CDH13: variants seen among roughly 807,000 people sequenced by gnomAD.
CDH13 encodes the protein cadherin-13.
In CDH13, 24 loss-of-function variants were observed where a neutral mutation model predicts 63.8. The ratio of observed to expected loss-of-function variants is 0.38; its 90% CI spans 0.27 to 0.53. The LOEUF (loss-of-function observed/expected upper bound fraction) is 0.53. Among genes scored for constraint, CDH13 ranks in the 20% least tolerant of loss-of-function variants. CDH13 has a pLI of 0.85. For missense variants in CDH13, 1,049 were observed against 903.1 expected, an observed-to-expected ratio of 1.16 and a Z score of -2.07; for synonymous variants, 503 against 355.3, an observed-to-expected ratio of 1.42 and a Z score of -4.67.
intron 7 of CDH13, among the ~76,000 whole-genome samples, chr16:83,525,154 A>G (rs971252900): frequency 6.6e-6 from 1 of 152,194 alleles, no homozygotes. Context: ...AGTTGGCTCT[A>G]TCTGTGCCTC....
At chr16:83,546,828 G>T (rs535969209) in intron 7 of CDH13, among the ~76,000 whole-genome samples, 1 of 152,176 alleles carries the variant, frequency 6.6e-6, no homozygotes, top group African/African-American at 2.4e-5. Flanking sequence ...GGGCACTGCA[G>T]CCCCATGGCC....
At chr16:82,956,276 C>T (rs538587052) in intron 2 of CDH13, among the ~76,000 whole-genome samples, 1 of 152,252 alleles carries the variant, frequency 6.6e-6, no homozygotes, top group Non-Finnish European at 1.5e-5. Flanking sequence ...AGATTTGCTT[C>T]TGTCTATCCT....
At chr16:82,950,968 C>A (rs11866755) in intron 2 of CDH13, among the ~76,000 whole-genome samples, 33,670 of 152,050 alleles carry the variant, frequency 0.22, 3,838 homozygotes, top group Admixed American at 0.28. Context: ...TCTCCAACTG[C>A]TATGCTTCAG....
intron 2 of CDH13, among the ~76,000 whole-genome samples, chr16:82,975,604 A>G (rs1331365650): frequency 6.6e-6 from 1 of 152,220 alleles, no homozygotes; most frequent in East Asian, 1.9e-4. Context: ...CATCGTAATG[A>G]TACTATTTTC....
At chr16:82,655,988 G>C (rs532989166) in intron 1 of CDH13, among the ~76,000 whole-genome samples, 23 of 152,056 alleles carry the variant, frequency 1.5e-4, no homozygotes, top group Admixed American at 3.9e-4. Context: ...GCATGTCTCA[G>C]GACAGTGTGA....
chr16:82,780,637 C>T (rs777120286), intron 1 of CDH13, among the ~76,000 whole-genome samples: 1 of 152,128 alleles, frequency 6.6e-6, no homozygotes, highest in Non-Finnish European at 1.5e-5. Context: ...TAGTTTAGCT[C>T]AAGGGAAGAT....
chr16:82,825,104 C>G (rs991623934), intron 1 of CDH13: 1 of 152,184 alleles, frequency 6.6e-6, no homozygotes, highest in East Asian at 1.9e-4. Flanking sequence ...AGAAGTTCAT[C>G]ATACGAATCT....
intron 1 of CDH13, among the ~76,000 whole-genome samples, chr16:82,737,583 G>A (rs568580158): frequency 6.6e-6 from 1 of 152,296 alleles, no homozygotes; most frequent in Non-Finnish European, 1.5e-5. Flanking sequence ...ATATTTCAAT[G>A]CAGAGAAGGT....
At chr16:83,036,990 C>T (rs968273721) in intron 3 of CDH13, among the ~76,000 whole-genome samples, 25 of 152,050 alleles carry the variant, frequency 1.6e-4, no homozygotes, top group African/African-American at 5.3e-4. Context: ...ATCTGAAGAC[C>T]AGGAGGAGGG....
intron 10 of CDH13, among the ~76,000 whole-genome samples, chr16:83,703,127 CATATT>C (rs1906499525): frequency 6.6e-6 from 1 of 152,170 alleles, no homozygotes; most frequent in South Asian, 2.1e-4. Flanking sequence ...GCCAAGGAAA[CATATT>C]GTATTGAGTA....
chr16:82,670,599 T>A (rs981157086), intron 1 of CDH13, among the ~76,000 whole-genome samples: 43 of 152,080 alleles, frequency 2.8e-4, no homozygotes, highest in African/African-American at 1.0e-3. Flanking sequence ...GGGGCTATAA[T>A]TAGGGGATGA....
chr16:83,474,797 C>T (rs1392378471), intron 6 of CDH13, among the ~76,000 whole-genome samples: 2 of 152,206 alleles, frequency 1.3e-5, no homozygotes, highest in African/African-American at 4.8e-5. Flanking sequence ...AGAAGGCACT[C>T]CCAGAGAAGG....
At chr16:83,624,030 CG>C (rs1177260911) in intron 8 of CDH13, among the ~76,000 whole-genome samples, 2 of 152,126 alleles carry the variant, frequency 1.3e-5, no homozygotes. Flanking sequence ...GGGGAGGTTC[CG>C]GGGCTTTCCA....
intron 1 of CDH13, among the ~76,000 whole-genome samples, chr16:82,852,596 A>T (rs1008981345): frequency 2.0e-5 from 3 of 152,210 alleles, no homozygotes; most frequent in Non-Finnish European, 2.9e-5. Flanking sequence ...ACCATGTCCT[A>T]TTGTGAGAAG....
chr16:83,553,677 C>T (rs1184791624), intron 7 of CDH13, among the ~76,000 whole-genome samples: 1 of 152,206 alleles, frequency 6.6e-6, no homozygotes, highest in Non-Finnish European at 1.5e-5. Flanking sequence ...CTGCATCAGC[C>T]TCCCAAGTAG....
At chr16:83,524,299 T>A (rs2151623835) in intron 7 of CDH13, among the ~76,000 whole-genome samples, 1 of 152,244 alleles carries the variant, frequency 6.6e-6, no homozygotes, top group East Asian at 1.9e-4. Context: ...ACTTATTTAG[T>A]GTGTTTATGC....
intron 1 of CDH13, among the ~76,000 whole-genome samples, chr16:82,691,869 T>C (rs1915679183): frequency 1.3e-5 from 2 of 152,118 alleles, no homozygotes; most frequent in African/African-American, 4.8e-5. Flanking sequence ...TTGCTGGAAA[T>C]GCAAACCCTC....
Position 82,756,475 on chromosome 16 carries a change from G to A in CDH13, c.46-101887G>A, listed in dbSNP as rs543307138. Among the ~76,000 whole-genome samples the A allele has an allele frequency of 4.6e-5, 7 of 152,204 alleles. No individual in the cohort carries two copies. The East Asian group carries it at 9.7e-4, about 21-fold the overall frequency. On this transcript the variant is annotated intron_variant, in intron 1 of 13. Coordinates refer to ENST00000567109, the MANE Select transcript of CDH13 (RefSeq NM_001257.5). ...GCTCCTTTAACCTGCGTGGCAACCCGGGGTGACTAGCTGTTAGTATAGCAG... is the reference window on the plus strand; with the variant it reads ...GCTCCTTTAACCTGCGTGGCAACCCAGGGTGACTAGCTGTTAGTATAGCAG...
rs571565652 is a variant in CDH13, at chr16:83,215,073, C to CTTTTTTTTTTTTTTTTTTTTTTTTTTTTT, written c.484-2251_484-2250insTTTTTTTTTTTTTTTTTTTTTTTTTTTTT. On this transcript the variant is annotated intron_variant, in intron 4 of 13. Transcript: ENST00000567109. ...TTTCATCAGAGAGTATCAAACACCT[C>CTTTTTTTTTTTTTTTTTTTTTTTTTTTTT]TTTTTTTTTTTTTTTTTTTTTGAGA... Among the ~76,000 whole-genome samples, 2 of 56,238 alleles carry CTTTTTTTTTTTTTTTTTTTTTTTTTTTTT rather than the reference C, an allele frequency of 3.6e-5. 1 individual carries two copies. The highest frequency in any genetic ancestry group is 1.4e-4 in the African/African-American group (2 of 13,908). 36.9% of individuals were successfully genotyped at this position (56,238 alleles called of 152,430 possible). A position where few individuals can be genotyped will look rare whatever the true frequency, so the allele number is the denominator to read the frequency against.
Sources: allele counts gnomAD v4.1 joint callset (sites outside exome capture counted in the v4.1 genomes callset), GRCh38; gene constraint gnomAD v4.1.1; transcripts MANE v1.5; gene names NCBI Gene and HGNC (gene_info 2026-07-23, HGNC 2026-07-21).